Variants in GABRG3 observed in about 807,000 individuals in gnomAD.
GABRG3 encodes gamma-aminobutyric acid receptor subunit gamma-3.
GABRG3 carries 25 observed loss-of-function variants against 48.8 expected under a neutral mutation model. That is an observed-to-expected ratio of 0.51 (90% CI 0.37 to 0.72). The LOEUF is 0.72. GABRG3 is among the 30% of genes least tolerant of loss of function. The pLI, the probability that GABRG3 is intolerant of heterozygous loss-of-function variation, is 0.00. For missense variants in GABRG3, 394 were observed against 577.9 expected, an observed-to-expected ratio of 0.68 and a Z score of 3.26; for synonymous variants, 227 against 217.6, an observed-to-expected ratio of 1.04 and a Z score of -0.38.
Position 27,515,131 on chromosome 15 carries a change from T to C in GABRG3, c.713-4841T>C, listed in dbSNP as rs558088908. On this transcript the variant is annotated intron_variant, in intron 6 of 9. Coordinates refer to ENST00000615808, the MANE Select transcript of GABRG3 (RefSeq NM_033223.5). ...GGAGTTTTGCTCTCGTTGCCCAGGC[T>C]GGAATGCAGTGGCATTCCGAGATAG... is the stretch of plus-strand genomic sequence containing the variant. Among the ~76,000 whole-genome samples the C allele has an allele frequency of 4.6e-5, 7 of 152,258 alleles. No individual in the cohort carries two copies. The South Asian group carries it at 1.4e-3, about 32-fold the overall frequency.
At chr15:27,291,220 T>G (rs1160199235) in intron 3 of GABRG3, among the ~76,000 whole-genome samples, 1 of 152,238 alleles carries the variant, frequency 6.6e-6, no homozygotes, top group Non-Finnish European at 1.5e-5. Flanking sequence ...ATTTCATAAC[T>G]GAGTATTCTA....
intron 5 of GABRG3, among the ~76,000 whole-genome samples, chr15:27,355,439 C>T (rs1301459073): frequency 2.0e-5 from 3 of 152,226 alleles, no homozygotes; most frequent in Non-Finnish European, 2.9e-5. Flanking sequence ...TGCCACTTCC[C>T]ACCCACTAGG....
chr15:27,268,432 T>G (rs74698437), intron 3 of GABRG3, among the ~76,000 whole-genome samples: 2,471 of 152,346 alleles, frequency 0.016, 39 homozygotes, highest in Admixed American at 0.045. Context: ...TCCTGCTCAG[T>G]CTGGATATAG....
chr15:27,486,289 G>T (rs1048068108), intron 6 of GABRG3, among the ~76,000 whole-genome samples: 1 of 152,094 alleles, frequency 6.6e-6, no homozygotes, highest in Non-Finnish European at 1.5e-5. Flanking sequence ...TTTATTATAA[G>T]ACCACAAATA....
intron 6 of GABRG3, among the ~76,000 whole-genome samples, chr15:27,501,185 T>C (rs1001874077): frequency 1.3e-5 from 2 of 152,110 alleles, no homozygotes; most frequent in African/African-American, 2.4e-5. Context: ...TCTCCTGACC[T>C]CGTGATCTGC....
intron 3 of GABRG3, among the ~76,000 whole-genome samples, chr15:27,059,296 G>A (rs549551655): frequency 6.6e-6 from 1 of 152,310 alleles, no homozygotes; most frequent in Admixed American, 6.5e-5. Flanking sequence ...CCAGCTACAG[G>A]TGGTTTGGAA....
At chr15:27,357,123 C>T (rs1207721978) in intron 5 of GABRG3, among the ~76,000 whole-genome samples, 4 of 152,084 alleles carry the variant, frequency 2.6e-5, no homozygotes, top group Non-Finnish European at 1.5e-5. Context: ...TAAAAATTAC[C>T]CTTGTGATCA....
chr15:27,347,749 A>G lies in GABRG3; in HGVS notation c.574+18861A>G, dbSNP rs572030840. ...TGTCCCCCAGAAGTTTCTCAGTCTC[A>G]TGCCCCTTCACACTCAGCCTCCACT... On this transcript the variant is annotated intron_variant, in intron 5 of 9. Coordinates refer to ENST00000615808, the MANE Select transcript of GABRG3 (RefSeq NM_033223.5). 1.6e-4 allele frequency among the ~76,000 whole-genome samples: 24 copies of G among 152,240 alleles called. 1 individual carries two copies. The Middle Eastern group carries it at 0.017, about 108-fold the overall frequency.
chr15:27,104,939 CTAAA>C (rs1897424378), intron 3 of GABRG3, among the ~76,000 whole-genome samples: 1 of 152,018 alleles, frequency 6.6e-6, no homozygotes. Flanking sequence ...CACTTTAAGT[CTAAA>C]TAATCAAAAT....
chr15:27,213,890 T>C (rs891917552), intron 3 of GABRG3, among the ~76,000 whole-genome samples: 8 of 152,182 alleles, frequency 5.3e-5, no homozygotes, highest in Non-Finnish European at 1.0e-4. Context: ...TTTGCTTGTT[T>C]GCAACCTGGG....
chr15:27,371,549 C>T (rs1268673879), intron 5 of GABRG3, among the ~76,000 whole-genome samples: 5 of 152,198 alleles, frequency 3.3e-5, no homozygotes, highest in Non-Finnish European at 5.9e-5. Context: ...TAATGCAAAT[C>T]ACAATACAAG....
intron 3 of GABRG3, among the ~76,000 whole-genome samples, chr15:27,191,403 T>C (rs551673470): frequency 6.6e-6 from 1 of 152,286 alleles, no homozygotes; most frequent in South Asian, 2.1e-4. Context: ...TGAATCTGGG[T>C]GCTCCTGTAT....
intron 5 of GABRG3, among the ~76,000 whole-genome samples, chr15:27,399,690 C>T (rs780628691): frequency 6.6e-6 from 1 of 152,146 alleles, no homozygotes; most frequent in African/African-American, 2.4e-5. Flanking sequence ...CTTAAACCGT[C>T]GTCTGTACTT....
chr15:27,129,086 AT>A (rs1357063987), intron 3 of GABRG3, among the ~76,000 whole-genome samples: 1 of 152,220 alleles, frequency 6.6e-6, no homozygotes, highest in African/African-American at 2.4e-5. Context: ...AAAATGTATC[AT>A]TTTGAGGGTA....
intron 3 of GABRG3, among the ~76,000 whole-genome samples, chr15:27,308,385 A>G (rs945169281): frequency 6.9e-6 from 1 of 145,592 alleles, no homozygotes; most frequent in African/African-American, 2.5e-5. Context: ...ATTTGTTTAT[A>G]TATAAACATA....
intron 6 of GABRG3, among the ~76,000 whole-genome samples, chr15:27,506,536 A>T (rs950389150): frequency 6.6e-6 from 1 of 152,134 alleles, no homozygotes; most frequent in African/African-American, 2.4e-5. Context: ...TTCTGCCAAA[A>T]CCTGAATGAT....
chr15:27,344,893 C>T (rs916712222), intron 5 of GABRG3, among the ~76,000 whole-genome samples: 1 of 152,034 alleles, frequency 6.6e-6, no homozygotes, highest in Non-Finnish European at 1.5e-5. Context: ...GGTACATGCA[C>T]GATGAGGATT....
At chr15:26,992,579 G>A (rs998923921) in intron 2 of GABRG3, among the ~76,000 whole-genome samples, 1 of 152,150 alleles carries the variant, frequency 6.6e-6, no homozygotes, top group African/African-American at 2.4e-5. Flanking sequence ...ACTTGGACAT[G>A]ATGAGTGATC....
At chr15:27,255,897 C>G (rs1595616842) in intron 3 of GABRG3, among the ~76,000 whole-genome samples, 1 of 151,630 alleles carries the variant, frequency 6.6e-6, no homozygotes, top group African/African-American at 2.4e-5. Flanking sequence ...TGTTTAGTGA[C>G]TTTTTACCCA....
Sources: allele counts gnomAD v4.1 joint callset (sites outside exome capture counted in the v4.1 genomes callset), GRCh38; gene constraint gnomAD v4.1.1; transcripts MANE v1.5; gene names NCBI Gene and HGNC (gene_info 2026-07-23, HGNC 2026-07-21).